The following LRRIQ3 variants were observed in gnomAD, a reference collection of about 807,000 sequenced individuals.
The protein encoded by LRRIQ3 is leucine-rich repeat and IQ domain-containing protein 3.
In LRRIQ3, 75 loss-of-function variants were observed where a neutral mutation model predicts 59.3. That is an observed-to-expected ratio of 1.26 (90% CI 1.05 to 1.53). The LOEUF (loss-of-function observed/expected upper bound fraction) is 1.53, where lower values mean the gene tolerates loss of function less well. LRRIQ3 is among the 40% of genes most tolerant of loss of function. The probability of loss-of-function intolerance (pLI) is 0.00; values close to 1 mark genes in which losing one functional copy is unlikely to be tolerated. For missense variants in LRRIQ3, 831 were observed against 710.0 expected (o/e 1.17, Z -1.94); for synonymous variants, 250 against 231.3 (o/e 1.08, Z -0.73).
intron 6 of LRRIQ3, among the ~76,000 whole-genome samples, chr1:74,045,844 A>C (rs1278674748): frequency 6.6e-6 from 1 of 152,074 alleles, no homozygotes; most frequent in Non-Finnish European, 1.5e-5. Flanking sequence ...TCATGAGTGA[A>C]CTCCCATTTA....
intron 4 of LRRIQ3, among the ~76,000 whole-genome samples, chr1:74,146,347 A>G (rs1419756738): frequency 6.6e-6 from 1 of 152,164 alleles, no homozygotes; most frequent in Non-Finnish European, 1.5e-5. Context: ...ATGATATGCC[A>G]CTATATATGT....
intron 3 of LRRIQ3, among the ~76,000 whole-genome samples, chr1:74,170,783 T>C (rs1473068610): frequency 6.6e-6 from 1 of 152,174 alleles, no homozygotes; most frequent in Non-Finnish European, 1.5e-5. Flanking sequence ...ATTTTAACAA[T>C]ACTAATTTTT....
intron 4 of LRRIQ3, among the ~76,000 whole-genome samples, chr1:74,146,456 T>C (rs1393098648): frequency 1.3e-5 from 2 of 152,122 alleles, no homozygotes; most frequent in Non-Finnish European, 2.9e-5. Context: ...GGGCCTAACT[T>C]ATGGTAGGCA....
chr1:74,100,872 C>T (rs1646520100), intron 5 of LRRIQ3, among the ~76,000 whole-genome samples: 1 of 152,144 alleles, frequency 6.6e-6, no homozygotes, highest in Non-Finnish European at 1.5e-5. Context: ...AAAGCTGAAA[C>T]TGGATGCCTT....
intron 4 of LRRIQ3, among the ~76,000 whole-genome samples, chr1:74,110,186 T>C (rs1014062107): frequency 1.3e-5 from 2 of 151,862 alleles, no homozygotes; most frequent in African/African-American, 4.8e-5. Context: ...AAAAACTACA[T>C]GTTTTCCCTC....
intron 4 of LRRIQ3, among the ~76,000 whole-genome samples, chr1:74,115,475 G>C (rs11210417): frequency 0.42 from 64,428 of 151,834 alleles, 15,187 homozygotes; most frequent in East Asian, 0.77. Context: ...GAATTATCTG[G>C]TTGCCTTAGC....
At position 74,183,694 on chromosome 1, in the gene LRRIQ3, A is replaced by G. The variant is rs757421041; in HGVS notation, c.1-10T>C. On this transcript the variant is annotated splice_polypyrimidine_tract_variant and intron_variant, in intron 1 of 7. Transcript: ENST00000354431. ...CTGTTCCATGAAACATCTAGGAAAG[A>G]TAAGAAAGTGCTTTGATTTTTTTTT... The G allele has an allele frequency of 2.1e-6, 3 of 1,447,942 alleles. No individual in the cohort carries two copies. The highest frequency in any genetic ancestry group is 9.1e-7 in the Non-Finnish European group (1 of 1,094,198). The allele number at this position is 1,447,942 out of a possible 1,614,324, so 89.7% of individuals were successfully genotyped here.
chr1:74,184,591 T>G (rs2100729112), intron 1 of LRRIQ3, among the ~76,000 whole-genome samples: 1 of 152,246 alleles, frequency 6.6e-6, no homozygotes, highest in South Asian at 2.1e-4. Context: ...CACTGGTTAC[T>G]TTATATATCA....
chr1:74,101,975 G>T (rs1178685895), intron 5 of LRRIQ3, among the ~76,000 whole-genome samples: 3 of 151,802 alleles, frequency 2.0e-5, no homozygotes, highest in African/African-American at 7.3e-5. Flanking sequence ...GAGTTAATGG[G>T]TGCAGCACAC....
intron 4 of LRRIQ3, chr1:74,144,420 T>C (rs1199957498): frequency 6.1e-6 from 2 of 330,232 alleles, no homozygotes; most frequent in South Asian, 5.1e-5. Flanking sequence ...CAATAGATTT[T>C]ATATTTCAAG....
Position 74,049,947 on chromosome 1 carries a change from G to A in LRRIQ3, c.998-8014C>T, listed in dbSNP as rs542833064. Reference sequence around the variant, plus strand: ...TTTCTTTTTTTTTTTTTTTTGAGACGGAGTCTCACTCTGTTGCCCAGGCTA... The same window carrying A: ...TTTCTTTTTTTTTTTTTTTTGAGACAGAGTCTCACTCTGTTGCCCAGGCTA... On this transcript the variant is annotated intron_variant, in intron 6 of 7. Coordinates refer to ENST00000354431, the MANE Select transcript of LRRIQ3 (RefSeq NM_001105659.2). Among the ~76,000 whole-genome samples the A allele has an allele frequency of 1.4e-3, 193 of 138,406 alleles. 1 individual carries two copies. Among genetic ancestry groups the A allele is most frequent in the Non-Finnish European group, 2.3e-3 (151 of 65,362 alleles). The allele number at this position is 138,406 out of a possible 152,430, so 90.8% of individuals were successfully genotyped here. A position where few individuals can be genotyped will look rare whatever the true frequency, so the allele number is the denominator to read the frequency against.
intron 6 of LRRIQ3, among the ~76,000 whole-genome samples, chr1:74,070,222 C>G (rs1330330174): frequency 6.6e-6 from 1 of 152,092 alleles, no homozygotes; most frequent in Admixed American, 6.6e-5. Context: ...GACATGTAAT[C>G]AACCTAGATG....
intron 6 of LRRIQ3, among the ~76,000 whole-genome samples, chr1:74,055,837 C>T (rs1366873569): frequency 6.6e-6 from 1 of 152,052 alleles, no homozygotes; most frequent in Non-Finnish European, 1.5e-5. Context: ...AAATTAAACA[C>T]CCTTTCTTGA....
At chr1:74,134,428 A>G (rs1327290948) in intron 4 of LRRIQ3, among the ~76,000 whole-genome samples, 1 of 152,052 alleles carries the variant, frequency 6.6e-6, no homozygotes, top group Non-Finnish European at 1.5e-5. Context: ...AAGTGACATC[A>G]GACAGTAACT....
chr1:74,190,904 A>G (rs1285975743), intron 1 of LRRIQ3, among the ~76,000 whole-genome samples: 1 of 152,158 alleles, frequency 6.6e-6, no homozygotes, highest in African/African-American at 2.4e-5. Flanking sequence ...TCACTGACCT[A>G]GAATTTATAA....
chr1:74,085,864 C>T (rs183821470), intron 5 of LRRIQ3, among the ~76,000 whole-genome samples: 2 of 152,096 alleles, frequency 1.3e-5, no homozygotes, highest in East Asian at 3.9e-4. Flanking sequence ...GATACATAGG[C>T]ACTAAGATCA....
At chr1:74,099,221 G>A (rs1392654598) in intron 5 of LRRIQ3, among the ~76,000 whole-genome samples, 2 of 152,040 alleles carry the variant, frequency 1.3e-5, no homozygotes, top group East Asian at 1.9e-4. Flanking sequence ...TGATAAAGGG[G>A]ATATCACCAC....
At chr1:74,037,095 C>T (rs529593090) in intron 7 of LRRIQ3, among the ~76,000 whole-genome samples, 37 of 152,080 alleles carry the variant, frequency 2.4e-4, no homozygotes, top group African/African-American at 8.7e-4. Context: ...TTATATACAA[C>T]CTTTACTAAT....
chr1:74,043,420 A>G (rs1169133852), intron 6 of LRRIQ3, among the ~76,000 whole-genome samples: 1 of 152,142 alleles, frequency 6.6e-6, no homozygotes, highest in Non-Finnish European at 1.5e-5. Context: ...AATAGGCAAG[A>G]TTTTCACGAA....
Sources: allele counts gnomAD v4.1 joint callset (sites outside exome capture counted in the v4.1 genomes callset), GRCh38; gene constraint gnomAD v4.1.1; transcripts MANE v1.5; gene names NCBI Gene and HGNC (gene_info 2026-07-23, HGNC 2026-07-21).